TAFA2: variants seen among roughly 807,000 people sequenced by gnomAD.
TAFA2 encodes the protein chemokine-like protein TAFA-2.
A neutral mutation model predicts 18.8 loss-of-function variants in TAFA2; 7 were observed. The ratio of observed to expected loss-of-function variants is 0.37; its 90% CI spans 0.21 to 0.70. The LOEUF (loss-of-function observed/expected upper bound fraction) is 0.70, where lower values mean the gene tolerates loss of function less well. TAFA2 is among the 30% of genes least tolerant of loss of function. The pLI, the probability that TAFA2 is intolerant of heterozygous loss-of-function variation, is 0.53. For missense variants in TAFA2, 122 were observed against 158.1 expected, an observed-to-expected ratio of 0.77 and a Z score of 1.23; for synonymous variants, 60 against 54.2, an observed-to-expected ratio of 1.11 and a Z score of -0.47.
At chr12:62,142,671 A>G (rs1025058712) in intron 1 of TAFA2, among the ~76,000 whole-genome samples, 1 of 152,302 alleles carries the variant, frequency 6.6e-6, no homozygotes. Flanking sequence ...TATCTCAAGC[A>G]AAGTTTCCCA....
intron 1 of TAFA2, among the ~76,000 whole-genome samples, chr12:62,216,440 T>C (rs1309739539): frequency 3.3e-5 from 5 of 152,200 alleles, no homozygotes; most frequent in African/African-American, 7.2e-5. Context: ...ATGACACCTT[T>C]AAAAACCTAC....
Position 61,918,017 on chromosome 12 carries a change from T to G in TAFA2, c.-1-50591A>C, listed in dbSNP as rs528440379. Among the ~76,000 whole-genome samples, 20 of 152,278 alleles carry G rather than the reference T, an allele frequency of 1.3e-4. No homozygotes were observed. The South Asian group carries it at 3.9e-3, about 30-fold the overall frequency. On this transcript the variant is annotated intron_variant, in intron 1 of 4. Transcript: ENST00000416284. The stretch of plus-strand genomic sequence containing the variant: ...GTATAAGAACCATGCTTATTTATTT[T>G]TTTTTTCATTTGTCTGGGTACATAG...
chr12:61,794,015 A>C (rs1871091856), intron 2 of TAFA2, among the ~76,000 whole-genome samples: 1 of 151,982 alleles, frequency 6.6e-6, no homozygotes. Flanking sequence ...ACTCTAAAAA[A>C]TAAGCTCTCA....
intron 1 of TAFA2, among the ~76,000 whole-genome samples, chr12:62,150,179 T>A (rs532918469): frequency 6.6e-6 from 1 of 152,310 alleles, no homozygotes; most frequent in South Asian, 2.1e-4. Flanking sequence ...AGCACTGTGA[T>A]AGACGCCAAG....
chr12:62,172,223 C>T (rs2062482857), intron 1 of TAFA2, among the ~76,000 whole-genome samples: 1 of 152,050 alleles, frequency 6.6e-6, no homozygotes, highest in African/African-American at 2.4e-5. Context: ...GCCTTCCTCC[C>T]TCCCTTCCTC....
At chr12:61,985,416 T>C (rs2136681642) in intron 1 of TAFA2, among the ~76,000 whole-genome samples, 1 of 152,314 alleles carries the variant, frequency 6.6e-6, no homozygotes, top group Middle Eastern at 3.4e-3. Flanking sequence ...GACTGGTTTA[T>C]CACATACAGT....
At chr12:62,150,527 T>C (rs2062320772) in intron 1 of TAFA2, among the ~76,000 whole-genome samples, 1 of 152,110 alleles carries the variant, frequency 6.6e-6, no homozygotes, top group Non-Finnish European at 1.5e-5. Flanking sequence ...AACAAGCCTA[T>C]TCTAATCATA....
intron 1 of TAFA2, among the ~76,000 whole-genome samples, chr12:61,954,634 A>G (rs1378017660): frequency 6.6e-6 from 1 of 152,134 alleles, no homozygotes; most frequent in Non-Finnish European, 1.5e-5. Flanking sequence ...TTCCATGGGT[A>G]AGGTGGGCAC....
intron 1 of TAFA2, among the ~76,000 whole-genome samples, chr12:61,931,325 T>C (rs750800428): frequency 3.3e-5 from 5 of 152,212 alleles, no homozygotes; most frequent in Admixed American, 6.5e-5. Context: ...CCTTGGTTCA[T>C]ATGACACATG....
intron 1 of TAFA2, among the ~76,000 whole-genome samples, chr12:61,876,571 G>C (rs1874855516): frequency 6.6e-6 from 1 of 152,066 alleles, no homozygotes; most frequent in Non-Finnish European, 1.5e-5. Context: ...AACACAGATT[G>C]TTCTCAAAGG....
intron 1 of TAFA2, among the ~76,000 whole-genome samples, chr12:61,940,693 C>T (rs928753270): frequency 3.8e-4 from 58 of 152,112 alleles, no homozygotes; most frequent in African/African-American, 1.4e-3. Flanking sequence ...CGCAGAGGTG[C>T]AGGTGAAGCT....
At chr12:61,932,732 G>A (rs372106457) in intron 1 of TAFA2, among the ~76,000 whole-genome samples, 29 of 152,146 alleles carry the variant, frequency 1.9e-4, no homozygotes, top group African/African-American at 5.5e-4. Flanking sequence ...GAGCCACCGC[G>A]CCCAGCCCCA....
intron 1 of TAFA2, among the ~76,000 whole-genome samples, chr12:62,056,406 C>T (rs575695063): frequency 1.6e-4 from 25 of 152,206 alleles, no homozygotes; most frequent in Admixed American, 1.6e-3. Context: ...CTGATGTTTA[C>T]AACCACCAGT....
intron 1 of TAFA2, among the ~76,000 whole-genome samples, chr12:62,059,741 C>A (rs1216903862): frequency 6.6e-6 from 1 of 152,100 alleles, no homozygotes; most frequent in Non-Finnish European, 1.5e-5. Flanking sequence ...GCCACAAATT[C>A]CACTTTCAGC....
At chr12:62,185,695 A>C (rs546157909) in intron 1 of TAFA2, among the ~76,000 whole-genome samples, 2 of 152,322 alleles carry the variant, frequency 1.3e-5, no homozygotes, top group Admixed American at 6.5e-5. Flanking sequence ...GTAATGATAA[A>C]AATATAAGTA....
intron 1 of TAFA2, among the ~76,000 whole-genome samples, chr12:62,215,986 G>C (rs764375492): frequency 3.9e-5 from 6 of 152,130 alleles, no homozygotes; most frequent in Non-Finnish European, 8.8e-5. Flanking sequence ...CATGGCAAGT[G>C]AATAAAGTAA....
intron 4 of TAFA2, among the ~76,000 whole-genome samples, chr12:61,745,161 G>A (rs1868641990): frequency 6.6e-6 from 1 of 152,000 alleles, no homozygotes; most frequent in Admixed American, 6.6e-5. Flanking sequence ...ACCATATTTA[G>A]TTTTTCATTA....
intron 1 of TAFA2, among the ~76,000 whole-genome samples, chr12:62,165,970 C>T (rs1211379010): frequency 7.0e-6 from 1 of 143,590 alleles, no homozygotes; most frequent in Non-Finnish European, 1.6e-5. Context: ...CACACACACA[C>T]ACAGACGCAA....
chr12:61,891,614 C>T (rs1221746742), intron 1 of TAFA2, among the ~76,000 whole-genome samples: 1 of 151,932 alleles, frequency 6.6e-6, no homozygotes, highest in Non-Finnish European at 1.5e-5. Context: ...TGCCATTGCA[C>T]TCCAGCCTGG....
Sources: gnomAD v4.1 joint callset for allele counts (sites outside exome capture counted in the v4.1 genomes callset) on GRCh38, gnomAD v4.1.1 for gene constraint, MANE v1.5 for transcripts, NCBI Gene and HGNC (gene_info 2026-07-23, HGNC 2026-07-21) for gene names.